Variants in JMJD1C observed in about 807,000 individuals in gnomAD.
The protein encoded by JMJD1C is jumonji domain-containing protein 1C.
JMJD1C carries 31 observed loss-of-function variants against 245.3 expected under a neutral mutation model. The observed-to-expected ratio is 0.13, with a 90% CI of 0.09 to 0.17. The LOEUF (loss-of-function observed/expected upper bound fraction) is 0.17, where lower values mean the gene tolerates loss of function less well. Ranked by LOEUF, JMJD1C falls within the 10% of genes least tolerant of loss-of-function variation. The pLI, the probability that JMJD1C is intolerant of heterozygous loss-of-function variation, is 1.00. For synonymous variants in JMJD1C, 1,057 were observed against 1,017.4 expected, an observed-to-expected ratio of 1.04 and a Z score of -0.74; for missense variants, 2,691 against 3,000.2, an observed-to-expected ratio of 0.90 and a Z score of 2.41.
chr10:63,483,412 G>A (rs561304447), intron 1 of JMJD1C, among the ~76,000 whole-genome samples: 2 of 152,148 alleles, frequency 1.3e-5, no homozygotes, highest in Non-Finnish European at 2.9e-5. Flanking sequence ...TGGAGGGGGA[G>A]GCTATCCTCT....
At chr10:63,396,111 T>C (rs911077971) in intron 1 of JMJD1C, among the ~76,000 whole-genome samples, 2 of 152,142 alleles carry the variant, frequency 1.3e-5, no homozygotes, top group African/African-American at 2.4e-5. Context: ...AGAGAATTTA[T>C]ATAAAAAAGT....
Position 63,219,964 on chromosome 10 carries a change from T to TTTA in JMJD1C, c.464_466dup (p.Leu155_Asn156insIle). ...CTGCGGGTTGTCCCTGAGAACTGGG[T>TTTA]TTAGGCTGTCTATGTCGTCCTAGAA... On this transcript the variant is annotated inframe_insertion, in exon 4 of 26. Transcript: ENST00000399262. The TTTA allele has an allele frequency of 1.2e-6, 2 of 1,613,174 alleles. No homozygotes were observed. The highest frequency in any genetic ancestry group is 8.5e-7 in the Non-Finnish European group (1 of 1,179,272).
intron 2 of JMJD1C, among the ~76,000 whole-genome samples, chr10:63,311,421 T>A (rs1294799978): frequency 2.0e-5 from 3 of 151,922 alleles, no homozygotes; most frequent in African/African-American, 7.2e-5. Flanking sequence ...TAACTCCACT[T>A]TCCAAAATAT....
chr10:63,386,360 A>G (rs997925078), intron 1 of JMJD1C, among the ~76,000 whole-genome samples: 1 of 152,176 alleles, frequency 6.6e-6, no homozygotes, highest in Non-Finnish European at 1.5e-5. Context: ...CACCTTCCCC[A>G]GTAGCAGGGC....
intron 1 of JMJD1C, among the ~76,000 whole-genome samples, chr10:63,474,377 G>C (rs1001268083): frequency 2.6e-5 from 4 of 152,272 alleles, no homozygotes; most frequent in African/African-American, 9.6e-5. Flanking sequence ...TAGGATGAGA[G>C]AGATACATAC....
rs200705545 is a variant in JMJD1C, at chr10:63,375,727, A to AT, written c.333+4590dup. ...CACCACACTCGGCTTATTTTATTTTATTTTTTTTGCAGAGAAGGGGGCTCG... is the reference window on the plus strand; with the variant it reads ...CACCACACTCGGCTTATTTTATTTTATTTTTTTTTGCAGAGAAGGGGGCTCG... On this transcript the variant is annotated intron_variant, in intron 2 of 25. Coordinates refer to ENST00000399262, the MANE Select transcript of JMJD1C (RefSeq NM_032776.3). Among the ~76,000 whole-genome samples, 1,389 of 151,410 alleles carry AT rather than the reference A, an allele frequency of 9.2e-3. 26 individuals are homozygous for AT. The highest frequency in any genetic ancestry group is 0.032 in the African/African-American group (1,336 of 41,248).
At chr10:63,480,202 C>T (rs1953788109) in intron 1 of JMJD1C, among the ~76,000 whole-genome samples, 1 of 152,050 alleles carries the variant, frequency 6.6e-6, no homozygotes, top group African/African-American at 2.4e-5. Flanking sequence ...GGAAAGGGTC[C>T]CATTTCACCA....
chr10:63,402,223 G>GA (rs35002401), intron 1 of JMJD1C, among the ~76,000 whole-genome samples: 13 of 151,488 alleles, frequency 8.6e-5, no homozygotes, highest in East Asian at 1.9e-4. Flanking sequence ...CAAAATTCAT[G>GA]AAAAAAATGC....
chr10:63,520,403 T>A (rs187635197), intron 1 of JMJD1C, among the ~76,000 whole-genome samples: 1 of 152,056 alleles, frequency 6.6e-6, no homozygotes, highest in Admixed American at 6.6e-5. Flanking sequence ...TCTTTTATTC[T>A]TCGCACCATC....
intron 10 of JMJD1C, chr10:63,204,406 GAA>G: frequency 1.0e-6 from 1 of 985,088 alleles, no homozygotes. Flanking sequence ...GATGAAAAGA[GAA>G]TACGTATTTC....
chr10:63,427,507 C>A, intron 1 of JMJD1C: 2 of 1,324,538 alleles, frequency 1.5e-6, no homozygotes, highest in South Asian at 1.2e-5. Flanking sequence ...GCAACTGTTT[C>A]CTGCCAATGT....
intron 1 of JMJD1C, among the ~76,000 whole-genome samples, chr10:63,389,025 T>C (rs1436421182): frequency 6.6e-6 from 1 of 152,082 alleles, no homozygotes; most frequent in African/African-American, 2.4e-5. Flanking sequence ...AAGCAAATAT[T>C]ATTAGACCTC....
Position 63,264,000 on chromosome 10 carries a change from ACACACAC to A in JMJD1C, c.447+644_447+650del, listed in dbSNP as rs1417878061. 3.4e-5 allele frequency among the ~76,000 whole-genome samples: 5 copies of A among 148,906 alleles called. No homozygotes were observed. The East Asian group carries it at 9.7e-4, about 29-fold the overall frequency. ...CACACACACACACACACACACACAC[ACACACAC>A]AATTCTGTGAGCTTTACTTATACCT... On this transcript the variant is annotated intron_variant, in intron 3 of 25. Coordinates refer to ENST00000399262, the MANE Select transcript of JMJD1C (RefSeq NM_032776.3).
chr10:63,424,285 T>C (rs1166743734), intron 1 of JMJD1C, among the ~76,000 whole-genome samples: 1 of 151,704 alleles, frequency 6.6e-6, no homozygotes. Flanking sequence ...CACGCTGGTC[T>C]TGAACTCCTG....
In JMJD1C at chr10:63,337,624, A is replaced by AAAAGAAAAAGAAAAAGAAAAAGAAAAG. The variant is rs139374030; in HGVS notation, c.333+42693_333+42694insCTTTTCTTTTTCTTTTTCTTTTTCTTT. 4.8e-4 allele frequency among the ~76,000 whole-genome samples: 29 copies of AAAAGAAAAAGAAAAAGAAAAAGAAAAG among 60,200 alleles called. 1 individual carries two copies. The highest frequency in any genetic ancestry group is 1.9e-3 in the African/African-American group (26 of 13,504). The allele number at this position is 60,200 out of a possible 152,430, so 39.5% of individuals were successfully genotyped here. On this transcript the variant is annotated intron_variant, in intron 2 of 25. Transcript: ENST00000399262. Reference sequence around the variant, plus strand: ...AAAAGAAAAGAAAAGAAAAGAAAAGAAAAAGAAAAGAAAAAAAATCCGCTA... The same window carrying AAAAGAAAAAGAAAAAGAAAAAGAAAAG: ...AAAAGAAAAGAAAAGAAAAGAAAAGAAAAGAAAAAGAAAAAGAAAAAGAAAAGAAAAGAAAAGAAAAAAAATCCGCTA...
chr10:63,296,227 C>T (rs1217399933), intron 2 of JMJD1C, among the ~76,000 whole-genome samples: 2 of 151,696 alleles, frequency 1.3e-5, no homozygotes, highest in Non-Finnish European at 2.9e-5. Flanking sequence ...CCAGGCTGGT[C>T]TCAAACTCCT....
intron 3 of JMJD1C, among the ~76,000 whole-genome samples, chr10:63,226,403 T>G (rs967288053): frequency 1.3e-5 from 2 of 152,014 alleles, no homozygotes; most frequent in Non-Finnish European, 2.9e-5. Context: ...TAAAGGTATT[T>G]TTTCACGTGT....
chr10:63,387,927 G>A (rs544000976), intron 1 of JMJD1C, among the ~76,000 whole-genome samples: 11 of 151,742 alleles, frequency 7.2e-5, no homozygotes, highest in South Asian at 2.1e-4. Flanking sequence ...GAGCCACTGC[G>A]CCTGGCCGAA....
chr10:63,478,309 A>C (rs1465276957), intron 1 of JMJD1C, among the ~76,000 whole-genome samples: 1 of 152,212 alleles, frequency 6.6e-6, no homozygotes, highest in Non-Finnish European at 1.5e-5. Flanking sequence ...ACCTATGTTC[A>C]TAAAAAAACC....
Sources: gnomAD v4.1 joint callset for allele counts (sites outside exome capture counted in the v4.1 genomes callset) on GRCh38, gnomAD v4.1.1 for gene constraint, MANE v1.5 for transcripts, NCBI Gene and HGNC (gene_info 2026-07-23, HGNC 2026-07-21) for gene names.